Variants in RBFA observed in about 807,000 individuals in gnomAD.
RBFA encodes the protein putative ribosome-binding factor A, mitochondrial.
In RBFA, 16 loss-of-function variants were observed where a neutral mutation model predicts 27.9. The ratio of observed to expected loss-of-function variants is 0.57; its 90% CI spans 0.39 to 0.87. The LOEUF is 0.87. RBFA is among the 40% of genes least tolerant of loss of function. The pLI is 0.00. For synonymous variants in RBFA, 181 were observed against 181.0 expected (o/e 1.00, Z 0.00); for missense variants, 456 against 432.1 (o/e 1.06, Z -0.49).
Position 80,048,482 on chromosome 18 carries a change from T to TG in RBFA, c.*2328dup, listed in dbSNP as rs945837177. Among the ~76,000 whole-genome samples, 1 of 152,238 alleles carries TG rather than the reference T, an allele frequency of 6.6e-6. No individual in the cohort carries two copies. Among genetic ancestry groups the TG allele is most frequent in the African/African-American group, 2.4e-5 (1 of 41,456 alleles). On this transcript the variant is annotated 3_prime_UTR_variant, in exon 7 of 7. Coordinates refer to ENST00000306735, the MANE Select transcript of RBFA (RefSeq NM_024805.3). ...AGCAATTTATTGTTACAAAACAGAT[T>TG]GCTGCCATCAATTTGTCTCAGGTCC...
Position 80,045,778 on chromosome 18 carries a change from C to T in RBFA, c.655C>T (p.Pro219Ser), listed in dbSNP as rs140828193. 1.3e-6 allele frequency: 2 copies of T among 1,511,212 alleles called. No individual in the cohort carries two copies. The highest frequency in any genetic ancestry group is 1.8e-6 in the Non-Finnish European group (2 of 1,130,496). 93.6% of individuals were successfully genotyped at this position (1,511,212 alleles called of 1,614,324 possible). The change falls in exon 7 of 7, where the codon CCT becomes TCT. Residue 219 changes from proline (P) to serine (S), a missense_variant. By Grantham distance (74) the Pro-to-Ser change is moderately conservative. Transcript: ENST00000306735. ...AAGCCTCTTCTTCCTTCCCAGGGACCCTGATGCCCCACAACCCTGCGGCAC... is the reference window on the plus strand; with the variant it reads ...AAGCCTCTTCTTCCTTCCCAGGGACTCTGATGCCCCACAACCCTGCGGCAC... ...DNFVQNDFRD[P>S]DAPQPCGTTE...
At position 80,050,480 on chromosome 18, in the gene RBFA, T is replaced by C. The variant is rs919199746; in HGVS notation, c.*4325T>C. Reference sequence around the variant, plus strand: ...ACCCATCCCCTCAAGCATTTATCCTTTGTGCCACAAACAATCCGATTATAT... The same window carrying C: ...ACCCATCCCCTCAAGCATTTATCCTCTGTGCCACAAACAATCCGATTATAT... On this transcript the variant is annotated 3_prime_UTR_variant, in exon 7 of 7. Transcript: ENST00000306735. Among the ~76,000 whole-genome samples the C allele has an allele frequency of 1.1e-4, 17 of 152,180 alleles. No homozygotes were observed. The highest frequency in any genetic ancestry group is 3.2e-3 in the Middle Eastern group (1 of 316).
At chr18:80,036,350 A>G (rs957176949) in intron 1 of RBFA, among the ~76,000 whole-genome samples, 4 of 152,152 alleles carry the variant, frequency 2.6e-5, no homozygotes, top group Non-Finnish European at 5.9e-5. Context: ...TTGAACTTCC[A>G]TGGGAAACAT....
chr18:80,046,367 C>G lies in RBFA; in HGVS notation c.*212C>G, dbSNP rs1436917198. On this transcript the variant is annotated 3_prime_UTR_variant, in exon 7 of 7. Coordinates refer to ENST00000306735, the MANE Select transcript of RBFA (RefSeq NM_024805.3). ...GTGTGTAATTTAAAAATTAAATGGC[C>G]ATCTTATCACAGATTCTCACAAAAA... 1 of 577,126 alleles carries G rather than the reference C, an allele frequency of 1.7e-6. No homozygotes were observed. Among genetic ancestry groups the G allele is most frequent in the Non-Finnish European group, 3.0e-6 (1 of 331,122 alleles). The allele number at this position is 577,126 out of a possible 1,614,324, so 35.8% of individuals were successfully genotyped here. A position where few individuals can be genotyped will look rare whatever the true frequency, so the allele number is the denominator to read the frequency against.
At chr18:80,036,569 GC>G in intron 1 of RBFA, 98 bp from the exon 2 acceptor site, 3 of 758,670 alleles carry the variant, frequency 4.0e-6, no homozygotes, top group Non-Finnish European at 6.5e-6. Context: ...TCTAAGTTTA[GC>G]CCCCTATAAA....
intron 4 of RBFA, among the ~76,000 whole-genome samples, chr18:80,040,144 AAGT>A (rs1311552105): frequency 6.6e-6 from 1 of 151,352 alleles, no homozygotes; most frequent in Non-Finnish European, 1.5e-5. Context: ...ACCTTTAATA[AAGT>A]ACATTTGTTG....
chr18:80,040,239 A>ATTTTTTTTTTTTTTTTTTTTTTTTTT lies in RBFA; in HGVS notation c.491+1641_491+1642insTTTTTTTTTTTTTTTTTTTTTTTTTT, dbSNP rs71338083. Among the ~76,000 whole-genome samples the ATTTTTTTTTTTTTTTTTTTTTTTTTT allele has an allele frequency of 8.8e-5, 8 of 91,418 alleles. 1 individual carries two copies. Among genetic ancestry groups the ATTTTTTTTTTTTTTTTTTTTTTTTTT allele is most frequent in the South Asian group, 5.6e-4 (1 of 1,788 alleles). 60.0% of individuals were successfully genotyped at this position (91,418 alleles called of 152,430 possible). ...TCCAACACATAACTGGGAGGCCTGA[A>ATTTTTTTTTTTTTTTTTTTTTTTTTT]TTTTTTTTTTTTTTTTTTTGCTTTT... On this transcript the variant is annotated intron_variant, in intron 4 of 6. Coordinates refer to ENST00000306735, the MANE Select transcript of RBFA (RefSeq NM_024805.3).
chr18:80,049,318 G>A lies in RBFA; in HGVS notation c.*3163G>A, dbSNP rs887817592. 6.6e-6 allele frequency among the ~76,000 whole-genome samples: 1 copy of A among 152,086 alleles called. No homozygotes were observed. The highest frequency in any genetic ancestry group is 6.5e-5 in the Admixed American group (1 of 15,268). On this transcript the variant is annotated 3_prime_UTR_variant, in exon 7 of 7. Transcript: ENST00000306735. ...CTGGGGATTTCCACGGCCTTTCCTG[G>A]GAGCAGGTTAGGGACATGGAAGCTC...
intron 4 of RBFA, 41 bp from the exon 5 acceptor site, chr18:80,042,094 T>C: frequency 6.8e-7 from 1 of 1,464,280 alleles, no homozygotes. Flanking sequence ...CCACTGAGTG[T>C]CACGGCACAG....
At chr18:80,036,018 C>T (rs1279555613) in intron 1 of RBFA, 1 of 152,252 alleles carries the variant, frequency 6.6e-6, no homozygotes, top group South Asian at 2.1e-4. Flanking sequence ...TCCAAGAAGC[C>T]CTCGTTCCTT....
rs777794101 is a variant in RBFA, at chr18:80,034,479, G to C, written c.-17G>C. The C allele has an allele frequency of 1.3e-6, 2 of 1,513,552 alleles. No homozygotes were observed. Among genetic ancestry groups the C allele is most frequent in the South Asian group, 1.3e-5 (1 of 78,770 alleles). 93.8% of individuals were successfully genotyped at this position (1,513,552 alleles called of 1,614,324 possible). ...GCCCGTTGTCTCCCTGCTCGCTCCG[G>C]GTCCCGGCGCCGCGCCATGTGGGCT... On this transcript the variant is annotated 5_prime_UTR_variant, in exon 1 of 7. Coordinates refer to ENST00000306735, the MANE Select transcript of RBFA (RefSeq NM_024805.3).
At chr18:80,034,932 A>G (rs1165454646) in intron 1 of RBFA, 1 of 391,216 alleles carries the variant, frequency 2.6e-6, no homozygotes, top group Non-Finnish European at 4.6e-6. Context: ...GAAAATGAGG[A>G]AAAATGAAAA....
At chr18:80,036,748 G>C in intron 2 of RBFA, 38 bp downstream of exon 2, 1 of 1,520,738 alleles carries the variant, frequency 6.6e-7, no homozygotes, top group Non-Finnish European at 9.0e-7. Flanking sequence ...AATCTTGATG[G>C]GAGTGAGGGT....
chr18:80,043,449 G>A (rs567294939), intron 5 of RBFA, among the ~76,000 whole-genome samples: 1 of 152,368 alleles, frequency 6.6e-6, no homozygotes, highest in South Asian at 2.1e-4. Flanking sequence ...ATCAGGGACA[G>A]TTCAGGTCAT....
In RBFA at chr18:80,046,179, C is replaced by T. The variant is rs2052052813; in HGVS notation, c.*24C>T. The T allele has an allele frequency of 6.2e-7, 1 of 1,603,928 alleles. No individual in the cohort carries two copies. The highest frequency in any genetic ancestry group is 8.5e-7 in the Non-Finnish European group (1 of 1,173,438). On this transcript the variant is annotated 3_prime_UTR_variant, in exon 7 of 7. Coordinates refer to ENST00000306735, the MANE Select transcript of RBFA (RefSeq NM_024805.3). ...AGATGGAGAGGCTCTGCCCATCCCA[C>T]ATTTGCAGGGAAAAGCATTGGCACG...
chr18:80,041,720 C>CTTTTTTTTTTTTT (rs60801792), intron 4 of RBFA: 1 of 142,346 alleles, frequency 7.0e-6, no homozygotes, highest in Non-Finnish European at 1.5e-5. Flanking sequence ...ACTCCTGCCT[C>CTTTTTTTTTTTTT]TTTTTTTTTT....
intron 4 of RBFA, among the ~76,000 whole-genome samples, chr18:80,040,560 A>C (rs2052010069): frequency 6.6e-6 from 1 of 152,050 alleles, no homozygotes; most frequent in Admixed American, 6.6e-5. Context: ...CTTGTATTTC[A>C]GTGAGAGGAA....
At chr18:80,037,272 C>A in intron 2 of RBFA, 58 bp from the exon 3 acceptor site, 1 of 1,498,086 alleles carries the variant, frequency 6.7e-7, no homozygotes, top group Non-Finnish European at 9.2e-7. Context: ...TGCTGTGTGA[C>A]TTGGTGAGTT....
intron 6 of RBFA, 78 bp downstream of exon 6, chr18:80,044,363 C>A: frequency 7.9e-7 from 1 of 1,269,506 alleles, no homozygotes; most frequent in Non-Finnish European, 1.2e-6. Context: ...AGAGCAGCTG[C>A]CCAGCGCCAC....
Sources: allele counts gnomAD v4.1 joint callset (sites outside exome capture counted in the v4.1 genomes callset), GRCh38; gene constraint gnomAD v4.1.1; transcripts MANE v1.5; gene names NCBI Gene and HGNC (gene_info 2026-07-23, HGNC 2026-07-21).